The following CDH4 variants were observed in gnomAD, a reference collection of about 807,000 sequenced individuals.
CDH4 encodes cadherin 4, also known as cadherin-4.
In CDH4, 33 loss-of-function variants were observed where a neutral mutation model predicts 86.0. The observed-to-expected ratio is 0.38, with a 90% CI of 0.29 to 0.51. The LOEUF (loss-of-function observed/expected upper bound fraction) is 0.51. CDH4 is among the 20% of genes least tolerant of loss of function. The pLI is 0.86. For synonymous variants in CDH4, 555 were observed against 549.4 expected (o/e 1.01, Z -0.14); for missense variants, 1,114 against 1,307.4 (o/e 0.85, Z 2.28).
At chr20:61,650,816 C>T (rs11697537) in intron 2 of CDH4, among the ~76,000 whole-genome samples, 1 of 152,194 alleles carries the variant, frequency 6.6e-6, no homozygotes, top group East Asian at 1.9e-4. Context: ...CAATTAGCTC[C>T]GTCTCTCTTG....
chr20:61,283,526 TAGGTGCATTTACACGC>T (rs1568781174), intron 2 of CDH4, among the ~76,000 whole-genome samples: 23 of 127,506 alleles, frequency 1.8e-4, no homozygotes, highest in Non-Finnish European at 2.5e-4. Flanking sequence ...GTGTGTGATG[TAGGTGCATTTACACGC>T]GTGTGCTGTG....
chr20:61,428,386 G>T (rs1423752638), intron 2 of CDH4, among the ~76,000 whole-genome samples: 1 of 152,170 alleles, frequency 6.6e-6, no homozygotes, highest in African/African-American at 2.4e-5. Context: ...TCTACTCGTG[G>T]ATGTCTCCCT....
chr20:61,878,987 T>C (rs1984162812), intron 7 of CDH4, among the ~76,000 whole-genome samples: 1 of 152,228 alleles, frequency 6.6e-6, no homozygotes, highest in South Asian at 2.1e-4. Context: ...AATGATGGTT[T>C]ATAATTATAA....
intron 8 of CDH4, among the ~76,000 whole-genome samples, chr20:61,896,927 G>A (rs2122877444): frequency 6.6e-6 from 1 of 152,252 alleles, no homozygotes; most frequent in South Asian, 2.1e-4. Flanking sequence ...AGGGAGGGAG[G>A]GGAGAAGGTG....
intron 2 of CDH4, among the ~76,000 whole-genome samples, chr20:61,287,847 G>A (rs925672796): frequency 1.3e-5 from 2 of 152,200 alleles, no homozygotes; most frequent in African/African-American, 2.4e-5. Flanking sequence ...GCCTCCTGGG[G>A]TTGCTGTGGA....
intron 2 of CDH4, among the ~76,000 whole-genome samples, chr20:61,445,935 C>T (rs2085347607): frequency 1.3e-5 from 2 of 152,336 alleles, no homozygotes; most frequent in South Asian, 2.1e-4. Context: ...TCCTCCAGAA[C>T]GCTGGCCCTG....
At chr20:61,386,277 G>T (rs949814315) in intron 2 of CDH4, among the ~76,000 whole-genome samples, 1 of 152,124 alleles carries the variant, frequency 6.6e-6, no homozygotes, top group Non-Finnish European at 1.5e-5. Context: ...AAACCTCTCG[G>T]TCTCCTCCAA....
intron 2 of CDH4, among the ~76,000 whole-genome samples, chr20:61,367,626 G>A (rs1204666807): frequency 2.6e-5 from 4 of 150,996 alleles, no homozygotes; most frequent in African/African-American, 4.9e-5. Flanking sequence ...ATAAACAGGA[G>A]CCCCGAGTCC....
At position 61,923,696 on chromosome 20, in the gene CDH4, G is replaced by A; in HGVS notation, c.1620G>A (p.Gln540=). Residue 540 remains glutamine (Q), a synonymous_variant, in exon 10 of 16, where the codon CAG becomes CAA. Transcript: ENST00000614565. The part of the protein sequence containing the change: ...SAVDPDRFMQ[Q]AVRYSKLSDP... ...TGGACCCTGACCGGTTCATGCAGCA[G>A]GCTGTGAGGTGGGTGCACAGGACAT... The A allele has an allele frequency of 1.2e-6, 2 of 1,613,410 alleles. No homozygotes were observed. The highest frequency in any genetic ancestry group is 1.7e-6 in the Non-Finnish European group (2 of 1,180,016).
chr20:61,854,211 TCCCAGGGGCA>T, intron 6 of CDH4, among the ~76,000 whole-genome samples: 1 of 152,072 alleles, frequency 6.6e-6, no homozygotes. Flanking sequence ...CAGGGCCAGC[TCCCAGGGGCA>T]CCACACGCCC....
chr20:61,540,181 G>A (rs778095959), intron 2 of CDH4, among the ~76,000 whole-genome samples: 13 of 152,306 alleles, frequency 8.5e-5, no homozygotes, highest in Admixed American at 7.2e-4. Flanking sequence ...CCTGATGGGC[G>A]GACGAATGCA....
intron 6 of CDH4, among the ~76,000 whole-genome samples, chr20:61,857,083 A>G (rs796260950): frequency 1.3e-5 from 2 of 152,256 alleles, no homozygotes; most frequent in South Asian, 2.1e-4. Flanking sequence ...AGTCCCCGCA[A>G]AAGTCCCAAG....
chr20:61,554,779 T>C (rs563746539), intron 2 of CDH4, among the ~76,000 whole-genome samples: 22 of 152,382 alleles, frequency 1.4e-4, no homozygotes, highest in African/African-American at 4.3e-4. Context: ...GTGCATGGTG[T>C]GAACATGTTT....
chr20:61,363,429 A>T (rs541109032), intron 2 of CDH4, among the ~76,000 whole-genome samples: 1 of 152,072 alleles, frequency 6.6e-6, no homozygotes, highest in African/African-American at 2.4e-5. Flanking sequence ...TCTCTCTCTC[A>T]CATACACACA....
intron 6 of CDH4, among the ~76,000 whole-genome samples, chr20:61,868,569 G>A (rs2146140531): frequency 6.6e-6 from 1 of 152,316 alleles, no homozygotes; most frequent in Admixed American, 6.5e-5. Context: ...CAGCCTTAAG[G>A]CAAACCAGGC....
At chr20:61,403,630 C>T (rs1035488862) in intron 2 of CDH4, among the ~76,000 whole-genome samples, 3 of 152,178 alleles carry the variant, frequency 2.0e-5, no homozygotes, top group African/African-American at 7.2e-5. Context: ...TCTGCCTGGA[C>T]CTCAGGCATG....
At position 61,665,462 on chromosome 20, in the gene CDH4, A is replaced by G. The variant is rs540478530; in HGVS notation, c.170-78101A>G. The stretch of plus-strand genomic sequence containing the variant: ...GGAGGCTGCCCGCAAAGACCAGGGT[A>G]GTTTCTCATCAAGGGTTTGCCTTTG... On this transcript the variant is annotated intron_variant, in intron 2 of 15. Transcript: ENST00000614565. Among the ~76,000 whole-genome samples, 57 of 152,348 alleles carry G rather than the reference A, an allele frequency of 3.7e-4. 1 individual carries two copies. The South Asian group carries it at 9.5e-3, about 25-fold the overall frequency.
chr20:61,598,349 C>T (rs955317245), intron 2 of CDH4, among the ~76,000 whole-genome samples: 3 of 151,752 alleles, frequency 2.0e-5, no homozygotes, highest in African/African-American at 4.8e-5. Flanking sequence ...CCCACCCCCC[C>T]GGCCACTGTC....
chr20:61,299,848 T>C (rs562070344), intron 2 of CDH4, among the ~76,000 whole-genome samples: 64 of 152,258 alleles, frequency 4.2e-4, no homozygotes, highest in Non-Finnish European at 1.3e-4. Context: ...CCCTAAACTA[T>C]AAGCCATAAG....
Sources: allele counts gnomAD v4.1 joint callset (sites outside exome capture counted in the v4.1 genomes callset), GRCh38; gene constraint gnomAD v4.1.1; transcripts MANE v1.5; gene names NCBI Gene and HGNC (gene_info 2026-07-23, HGNC 2026-07-21).